Variants in WDR35 observed in about 807,000 individuals in gnomAD.
WDR35 encodes the protein WD repeat-containing protein 35.
In WDR35, 118 loss-of-function variants were observed where a neutral mutation model predicts 158.3. That is an observed-to-expected ratio of 0.75 (90% confidence interval 0.64 to 0.87). The LOEUF is 0.87. WDR35 is among the 40% of genes least tolerant of loss of function. The probability of loss-of-function intolerance (pLI) is 0.00; values close to 1 mark genes in which losing one functional copy is unlikely to be tolerated. For synonymous variants in WDR35, 448 were observed against 476.1 expected (o/e 0.94, Z 0.77); for missense variants, 1,263 against 1,405.8 (o/e 0.90, Z 1.62).
chr2:19,933,684 T>C (rs1163741193), intron 21 of WDR35, among the ~76,000 whole-genome samples, 173 bp from the exon 22 acceptor site: 4 of 152,270 alleles, frequency 2.6e-5, no homozygotes, highest in South Asian at 2.1e-4. Context: ...TGCTAAGGCA[T>C]CACTTCTATA....
chr2:19,937,601 T>C, intron 19 of WDR35, 142 bp downstream of exon 19: 1 of 1,100,720 alleles, frequency 9.1e-7, no homozygotes, highest in Middle Eastern at 2.8e-4. Context: ...GCATGTAGAA[T>C]ATCTAGGTTG....
chr2:19,924,421 G>A (rs368229335), intron 25 of WDR35, among the ~76,000 whole-genome samples: 6 of 152,062 alleles, frequency 3.9e-5, no homozygotes, highest in South Asian at 2.1e-4. Flanking sequence ...AAAATTCGCC[G>A]GGTGTGGTGG....
rs749627832 is a variant in WDR35, at chr2:19,937,932, T to C, written c.2078A>G (p.Glu693Gly). 2 of 1,614,138 alleles carry C rather than the reference T, an allele frequency of 1.2e-6. No individual in the cohort carries two copies. The highest frequency in any genetic ancestry group is 2.2e-5 in the East Asian group (1 of 44,886). Residue 693 changes from glutamate (E) to glycine (G), a missense_variant, in exon 19 of 27, where the codon GAA (glutamate) becomes GGA (glycine). By Grantham distance (98) the Glu-to-Gly change is moderately conservative. Transcript: ENST00000281405. Reference protein sequence around the residue: ...PHPRLWRLLAEAALQKLDLYT... With the variant: ...PHPRLWRLLAGAALQKLDLYT... ...TAGATCCAGTTTCTGAAGAGCTGCT[T>C]CAGCCAGTAGGCGCCTTTATTTTAA... is the stretch of plus-strand genomic sequence containing the variant.
In WDR35 at chr2:19,913,630, G is replaced by T; in HGVS notation, c.3441C>A (p.Cys1147Ter). 1.2e-6 allele frequency: 2 copies of T among 1,614,090 alleles called. No homozygotes were observed. Among genetic ancestry groups the T allele is most frequent in the Non-Finnish European group, 1.7e-6 (2 of 1,179,988 alleles). The change falls in exon 27 of 27, where the codon TGC becomes TGA. Residue 1147 changes from cysteine (C) to a stop codon, truncating the protein, a stop_gained. Transcript: ENST00000281405. LOFTEE classifies it high-confidence loss of function. ...TEYQFWMCSV[C>*]KHGVLAQEIS... The stretch of plus-strand genomic sequence containing the variant: ...TTTCCTGAGCAAGGACACCGTGTTT[G>T]CATACACTGCACATCCAGAATTGAT...
At chr2:19,971,424 C>T (rs1183887897) in intron 8 of WDR35, among the ~76,000 whole-genome samples, 7 of 152,220 alleles carry the variant, frequency 4.6e-5, no homozygotes, top group Non-Finnish European at 8.8e-5. Context: ...CTCTGTTGCA[C>T]TCTCTTTGCC....
Position 19,980,312 on chromosome 2 carries a change from A to C in WDR35, c.307+379T>G, listed in dbSNP as rs145913410. Among the ~76,000 whole-genome samples the C allele has an allele frequency of 1.7e-4, 26 of 152,250 alleles. No individual in the cohort carries two copies. In the East Asian group the frequency reaches 3.7e-3, roughly 22 times the overall value. On this transcript the variant is annotated intron_variant, in intron 4 of 26. Transcript: ENST00000281405. ...TCCCCTCAGAGCTTACAGTCTACTG[A>C]GGAACCAATATTAAATACACACTCA...
At chr2:19,941,695 C>G in intron 17 of WDR35, 64 bp downstream of exon 17, 1 of 1,222,772 alleles carries the variant, frequency 8.2e-7, no homozygotes, top group Non-Finnish European at 1.2e-6. Context: ...GGATACTACA[C>G]CGCCTGGTCC....
intron 25 of WDR35, among the ~76,000 whole-genome samples, chr2:19,916,184 G>A (rs765508006): frequency 6.6e-6 from 1 of 152,144 alleles, no homozygotes; most frequent in Non-Finnish European, 1.5e-5. Context: ...AAGCCATTAG[G>A]GACTGTACCG....
At chr2:19,962,750 T>C (rs1254204434) in intron 10 of WDR35, among the ~76,000 whole-genome samples, 3 of 152,288 alleles carry the variant, frequency 2.0e-5, no homozygotes, top group South Asian at 4.1e-4. Context: ...AAAGAACTCA[T>C]TGAATTAATT....
At chr2:19,948,658 GGCATTAC>G (rs1197619127) in intron 13 of WDR35, among the ~76,000 whole-genome samples, 1 of 152,110 alleles carries the variant, frequency 6.6e-6, no homozygotes, top group Non-Finnish European at 1.5e-5. Flanking sequence ...AAGTCTCTAG[GGCATTAC>G]GCTTAGTGAA....
At chr2:19,937,644 A>T in intron 19 of WDR35, 99 bp downstream of exon 19, 1 of 1,470,332 alleles carries the variant, frequency 6.8e-7, no homozygotes, top group Non-Finnish European at 9.5e-7. Context: ...TCTAAAAGGA[A>T]CCATATGATA....
chr2:19,981,008 G>A (rs1407379175), intron 3 of WDR35, among the ~76,000 whole-genome samples: 2 of 152,040 alleles, frequency 1.3e-5, no homozygotes, highest in Non-Finnish European at 2.9e-5. Context: ...TTTCATCCCA[G>A]TAAAGACACC....
chr2:19,935,355 A>G (rs1350097270), intron 21 of WDR35, 116 bp downstream of exon 21: 9 of 1,136,084 alleles, frequency 7.9e-6, no homozygotes, highest in Non-Finnish European at 1.1e-5. Context: ...ATGTCTAAGA[A>G]ACTGTAACAT....
At chr2:19,975,241 C>T (rs564715292) in intron 6 of WDR35, among the ~76,000 whole-genome samples, 8 of 152,318 alleles carry the variant, frequency 5.3e-5, no homozygotes, top group Non-Finnish European at 1.2e-4. Context: ...CATCGCCCTA[C>T]TCATTATCTC....
chr2:19,952,881 C>T (rs903935751), intron 12 of WDR35, among the ~76,000 whole-genome samples: 5 of 151,006 alleles, frequency 3.3e-5, no homozygotes, highest in South Asian at 2.1e-4. Flanking sequence ...CTCCGCCTCC[C>T]GGGTTCACGC....
chr2:19,972,540 G>C (rs1173892870), intron 8 of WDR35, among the ~76,000 whole-genome samples: 6 of 151,862 alleles, frequency 4.0e-5, no homozygotes, highest in Admixed American at 3.9e-4. Flanking sequence ...TAATTATTTA[G>C]GAACCTTGAA....
At chr2:19,972,121 T>C (rs1437177322) in intron 8 of WDR35, among the ~76,000 whole-genome samples, 1 of 152,218 alleles carries the variant, frequency 6.6e-6, no homozygotes, top group African/African-American at 2.4e-5. Context: ...CAAATTCTTC[T>C]CTGAGGTTTT....
chr2:19,927,197 T>C (rs1670384114), intron 25 of WDR35, among the ~76,000 whole-genome samples: 1 of 152,258 alleles, frequency 6.6e-6, no homozygotes, highest in Non-Finnish European at 1.5e-5. Context: ...AATGCCTAGA[T>C]GTAATCACTC....
intron 25 of WDR35, among the ~76,000 whole-genome samples, chr2:19,914,947 G>C (rs776869573): frequency 2.6e-5 from 4 of 151,234 alleles, no homozygotes; most frequent in Non-Finnish European, 5.9e-5. Flanking sequence ...GGGGTGGGGG[G>C]CTAGGGGAGG....
Sources: gnomAD v4.1 joint callset for allele counts (sites outside exome capture counted in the v4.1 genomes callset) on GRCh38, gnomAD v4.1.1 for gene constraint, MANE v1.5 for transcripts, NCBI Gene and HGNC (gene_info 2026-07-23, HGNC 2026-07-21) for gene names.